COL14A1: variants seen among roughly 807,000 people sequenced by gnomAD.
COL14A1 encodes collagen type XIV alpha 1 chain.
COL14A1 carries 136 observed loss-of-function variants against 230.3 expected under a neutral mutation model. The ratio of observed to expected loss-of-function variants is 0.59; its 90% CI spans 0.51 to 0.68. The LOEUF is 0.68. Ranked by LOEUF, COL14A1 falls within the 30% of genes least tolerant of loss-of-function variation. COL14A1 has a pLI of 0.00. For synonymous variants in COL14A1, 792 were observed against 784.1 expected (o/e 1.01, Z -0.17); for missense variants, 1,976 against 2,215.8 (o/e 0.89, Z 2.17).
At chr8:120,311,205 G>C (rs1467870282) in intron 37 of COL14A1, among the ~76,000 whole-genome samples, 4 of 152,052 alleles carry the variant, frequency 2.6e-5, no homozygotes, top group Non-Finnish European at 5.9e-5. Context: ...TATCTTACTT[G>C]GTTCCATCTT....
chr8:120,327,613 T>A (rs1255344494), intron 40 of COL14A1, among the ~76,000 whole-genome samples: 1 of 152,150 alleles, frequency 6.6e-6, no homozygotes, highest in Admixed American at 6.5e-5. Context: ...TCGACTTGCT[T>A]GCAGAGGGTT....
chr8:120,294,669 C>T (rs1270348424), intron 34 of COL14A1, among the ~76,000 whole-genome samples: 8 of 151,360 alleles, frequency 5.3e-5, no homozygotes, highest in Admixed American at 5.3e-4. Context: ...GGAATAAAAG[C>T]CAAAGGCTTT....
intron 14 of COL14A1, among the ~76,000 whole-genome samples, chr8:120,221,332 T>G (rs1817927618): frequency 6.6e-6 from 1 of 152,158 alleles, no homozygotes; most frequent in Non-Finnish European, 1.5e-5. Context: ...GGTTATTTGT[T>G]ATTATTTCCT....
intron 5 of COL14A1, among the ~76,000 whole-genome samples, chr8:120,173,853 T>C (rs1192662002): frequency 1.3e-5 from 2 of 152,044 alleles, no homozygotes; most frequent in Non-Finnish European, 2.9e-5. Context: ...AGAAATAGTT[T>C]TAGAACTGCT....
Position 120,270,109 on chromosome 8 carries a change from A to C in COL14A1, c.3148A>C (p.Lys1050Gln), listed in dbSNP as rs777752692. 6.8e-6 allele frequency: 11 copies of C among 1,611,562 alleles called. No homozygotes were observed. The Admixed American group carries it at 1.2e-4, about 17-fold the overall frequency. The change falls in exon 26 of 48, where the codon AAG becomes CAG. Residue 1050 changes from lysine to glutamine, a missense_variant. By Grantham distance (53) the Lys-to-Gln change is moderately conservative. This residue lies in a region of COL14A1 where 1,791 missense variants were observed against 2,019.5 expected (regional missense o/e 0.89). Transcript: ENST00000297848. ...GAGCATTGGAGATGAAAATTTCAAT[A>C]AGATCATCAGCTTTCTATACAGCAC... ...SWSIGDENFN[K>Q]IISFLYSTVG... is the part of the protein sequence containing the mutation.
intron 14 of COL14A1, among the ~76,000 whole-genome samples, chr8:120,217,374 G>A (rs952528260): frequency 2.6e-5 from 4 of 152,164 alleles, no homozygotes; most frequent in African/African-American, 9.7e-5. Context: ...CCTTGGAAAT[G>A]TGTTTTAGCA....
intron 45 of COL14A1, among the ~76,000 whole-genome samples, chr8:120,355,890 G>A (rs2130344123): frequency 6.6e-6 from 1 of 152,274 alleles, no homozygotes; most frequent in Admixed American, 6.5e-5. Flanking sequence ...GAATAAGTCA[G>A]CAAATATTAA....
At chr8:120,193,090 G>A (rs569391927) in intron 5 of COL14A1, among the ~76,000 whole-genome samples, 222 of 152,322 alleles carry the variant, frequency 1.5e-3, no homozygotes, top group African/African-American at 5.1e-3. Flanking sequence ...TGCTGGTGAG[G>A]AACTGCGTTC....
chr8:120,208,161 T>G, intron 10 of COL14A1, 71 bp from the exon 11 acceptor site: 1 of 1,451,138 alleles, frequency 6.9e-7, no homozygotes, highest in Non-Finnish European at 9.3e-7. Context: ...TGGACGTATT[T>G]TCGCTTTTTG....
chr8:120,145,743 G>A (rs1563634230), intron 1 of COL14A1, among the ~76,000 whole-genome samples: 1 of 152,160 alleles, frequency 6.6e-6, no homozygotes. Context: ...TCATTGTGGT[G>A]TTATATGTAT....
At chr8:120,296,664 A>G (rs1034463533) in intron 34 of COL14A1, among the ~76,000 whole-genome samples, 2 of 152,002 alleles carry the variant, frequency 1.3e-5, no homozygotes, top group Non-Finnish European at 2.9e-5. Context: ...GAAATATAGT[A>G]AAAATGATTG....
At chr8:120,283,508 T>C in intron 31 of COL14A1, 128 bp from the exon 32 acceptor site, 1 of 847,916 alleles carries the variant, frequency 1.2e-6, no homozygotes, top group Non-Finnish European at 1.9e-6. Flanking sequence ...AGTGATCTAG[T>C]TGGTGTTAAT....
At chr8:120,320,372 A>T (rs1821396262) in intron 40 of COL14A1, among the ~76,000 whole-genome samples, 1 of 152,176 alleles carries the variant, frequency 6.6e-6, no homozygotes, top group Non-Finnish European at 1.5e-5. Context: ...TTCTTTTTTT[A>T]AAAGCAAGTT....
At chr8:120,170,962 A>G (rs1014053256) in intron 5 of COL14A1, among the ~76,000 whole-genome samples, 1 of 151,934 alleles carries the variant, frequency 6.6e-6, no homozygotes, top group Non-Finnish European at 1.5e-5. Context: ...ATTGTGTTTT[A>G]CTTGATAGCT....
In COL14A1 at chr8:120,216,287, C is replaced by A. The variant is rs186926905; in HGVS notation, c.1598-64C>A. ...GTAAATAGTTTAGAAGTCAAAGATG[C>A]AATTTCTTTTTACATGTATGTAATT... is the stretch of plus-strand genomic sequence containing the variant. On this transcript the variant is annotated intron_variant, in intron 13 of 47. Coordinates refer to ENST00000297848, the MANE Select transcript of COL14A1 (RefSeq NM_021110.4). The A allele has an allele frequency of 3.1e-4, 422 of 1,381,408 alleles. 2 individuals carry two copies. The African/African-American group carries it at 5.5e-3, about 18-fold the overall frequency. 85.6% of individuals were successfully genotyped at this position (1,381,408 alleles called of 1,614,324 possible).
intron 3 of COL14A1, among the ~76,000 whole-genome samples, chr8:120,159,550 G>A (rs186956297): frequency 2.2e-3 from 340 of 152,240 alleles, no homozygotes; most frequent in African/African-American, 7.9e-3. Flanking sequence ...AAAAGATACA[G>A]TGAAGGAGAC....
rs1218434077 is a variant in COL14A1 at position 120,209,805 on chromosome 8, C to T, written c.1371C>T (p.Asn457=). 4.3e-6 allele frequency: 7 copies of T among 1,613,900 alleles called. No individual in the cohort carries two copies. The highest frequency in any genetic ancestry group is 5.1e-6 in the Non-Finnish European group (6 of 1,179,886). ...TTCTACTGTACGACGTGACTGAGAA[C>T]AGCATGCGAGTCAAATGGGATGCAG... The part of the protein sequence containing the change: ...SDLLLYDVTE[N]SMRVKWDAVP... Residue 457 remains asparagine (N), a synonymous_variant, in exon 12 of 48, where the codon AAC becomes AAT. Coordinates refer to ENST00000297848, the MANE Select transcript of COL14A1 (RefSeq NM_021110.4).
chr8:120,289,485 A>G (rs1192609260), intron 33 of COL14A1, 123 bp from the exon 34 acceptor site: 1 of 898,764 alleles, frequency 1.1e-6, no homozygotes, highest in Non-Finnish European at 1.7e-6. Flanking sequence ...TTGGCAAAAT[A>G]CATGGTGACA....
intron 1 of COL14A1, among the ~76,000 whole-genome samples, chr8:120,130,078 A>T (rs908467588): frequency 2.0e-5 from 3 of 152,252 alleles, no homozygotes; most frequent in Admixed American, 1.3e-4. Flanking sequence ...GTGCCCATCC[A>T]CAAACTGTTA....
Sources: gnomAD v4.1 joint callset for allele counts (sites outside exome capture counted in the v4.1 genomes callset) on GRCh38, gnomAD v4.1.1 for gene constraint, gnomAD v4.1.1 regional missense constraint, MANE v1.5 for transcripts, NCBI Gene and HGNC (gene_info 2026-07-23, HGNC 2026-07-21) for gene names.